Variants in MEGF6 observed in about 807,000 individuals in gnomAD.
MEGF6 encodes the protein multiple EGF like domains 6.
Under a neutral mutation model 207.1 loss-of-function variants are expected in MEGF6, and 184 were observed. The observed-to-expected ratio is 0.89, with a 90% confidence interval of 0.79 to 1.00. MEGF6 has a LOEUF of 1.00. Ranked by LOEUF, MEGF6 falls within the 50% of genes least tolerant of loss-of-function variation. MEGF6 has a pLI of 0.00. For missense variants in MEGF6, 2,282 were observed against 2,202.9 expected (o/e 1.04, Z -0.72); for synonymous variants, 1,038 against 910.0 (o/e 1.14, Z -2.53).
chr1:3,501,983 T>C (rs1162030962), intron 17 of MEGF6, 62 bp from the exon 18 acceptor site: 19 of 975,594 alleles, frequency 1.9e-5, no homozygotes, highest in Middle Eastern at 3.0e-4. Flanking sequence ...CCAGAGCCTT[T>C]CCCCCAGGGG....
At chr1:3,558,953 G>GA (rs1643111704) in intron 4 of MEGF6, among the ~76,000 whole-genome samples, 1 of 152,218 alleles carries the variant, frequency 6.6e-6, no homozygotes, top group South Asian at 2.1e-4. Flanking sequence ...TTGAGCCCAA[G>GA]AGTTCAAGGC....
In MEGF6 at chr1:3,556,851, A is replaced by G. The variant is rs1643047104; in HGVS notation, c.481+22974T>C. Among the ~76,000 whole-genome samples, 1 of 152,308 alleles carries G rather than the reference A, an allele frequency of 6.6e-6. No individual in the cohort carries two copies. On this transcript the variant is annotated intron_variant, in intron 4 of 36. Transcript: ENST00000356575. The surrounding 1 kb of genome is among the most constrained non-coding windows in gnomAD (Gnocchi z 4.4). Reference sequence around the variant, plus strand: ...AAACTGCCGAGCCTGCCGGGTGAGGATGGTGAGGCTGCCTCATGGTACAGG... The same window carrying G: ...AAACTGCCGAGCCTGCCGGGTGAGGGTGGTGAGGCTGCCTCATGGTACAGG...
chr1:3,564,949 G>T (rs1200396226), intron 4 of MEGF6, among the ~76,000 whole-genome samples: 1 of 152,136 alleles, frequency 6.6e-6, no homozygotes. Flanking sequence ...TCCAGCCGAG[G>T]CATTCTCCAG....
At chr1:3,578,733 C>T (rs192804673) in intron 4 of MEGF6, among the ~76,000 whole-genome samples, 7 of 108,622 alleles carry the variant, frequency 6.4e-5, no homozygotes, top group African/African-American at 1.5e-4. Flanking sequence ...TGGCCAATGC[C>T]CCAGGCTGCT....
At chr1:3,534,040 C>T (rs1642253639) in intron 4 of MEGF6, among the ~76,000 whole-genome samples, 2 of 152,146 alleles carry the variant, frequency 1.3e-5, no homozygotes, top group African/African-American at 4.8e-5. Context: ...CGTGCTGTCT[C>T]GAGGAGGAGG....
intron 4 of MEGF6, among the ~76,000 whole-genome samples, chr1:3,569,133 C>G (rs1643428408): frequency 6.6e-6 from 1 of 152,216 alleles, no homozygotes; most frequent in Admixed American, 6.5e-5. Flanking sequence ...CACCTCCAGC[C>G]CACACCCTAG....
rs191974953 is a variant in MEGF6, at chr1:3,532,001, G to T, written c.482-7755C>A. On this transcript the variant is annotated intron_variant, in intron 4 of 36. Coordinates refer to ENST00000356575, the MANE Select transcript of MEGF6 (RefSeq NM_001409.4). ...CACTGTCCTGTCCTCCCCTGGCCCA[G>T]GGCCCCATACTTGGAGGGAGCCTGG... 3.0e-4 allele frequency among the ~76,000 whole-genome samples: 46 copies of T among 152,352 alleles called. No homozygotes were observed. In the East Asian group the frequency reaches 5.2e-3, roughly 17 times the overall value.
Position 3,511,600 on chromosome 1 carries a change from C to G in MEGF6, c.1064G>C (p.Cys355Ser). ...GCSHTSAGPL[C>S]TCPRGYELDT... is the part of the protein sequence containing the mutation. ...CAGCTCGTAGCCGCGGGGACATGTG[C>G]ACAGGGGCCCAGCACTGGTGTGGCT... The change falls in exon 9 of 37, where the codon TGC (cysteine) becomes TCC (serine). Residue 355 changes from cysteine to serine, a missense_variant. Coordinates refer to ENST00000356575, the MANE Select transcript of MEGF6 (RefSeq NM_001409.4). 1 of 1,612,482 alleles carries G rather than the reference C, an allele frequency of 6.2e-7. No individual in the cohort carries two copies. The highest frequency in any genetic ancestry group is 8.5e-7 in the Non-Finnish European group (1 of 1,179,604).
intron 17 of MEGF6, among the ~76,000 whole-genome samples, chr1:3,503,829 T>C (rs1186574938): frequency 6.6e-6 from 1 of 152,004 alleles, no homozygotes; most frequent in African/African-American, 2.4e-5. Flanking sequence ...CGCGCACTGA[T>C]GAAGCCCTAG....
At chr1:3,603,776 G>T (rs771498707) in intron 1 of MEGF6, among the ~76,000 whole-genome samples, 1 of 152,074 alleles carries the variant, frequency 6.6e-6, no homozygotes, top group Non-Finnish European at 1.5e-5. Flanking sequence ...CCGCCGCCCC[G>T]TGGGCCGGAC....
intron 1 of MEGF6, among the ~76,000 whole-genome samples, chr1:3,605,687 CAT>C (rs61171592): frequency 0.062 from 9,405 of 152,266 alleles, 414 homozygotes; most frequent in South Asian, 0.13. Flanking sequence ...CTCGCACACA[CAT>C]ATGCACTCTC....
chr1:3,543,703 A>G (rs1224722370), intron 4 of MEGF6, among the ~76,000 whole-genome samples: 1 of 152,212 alleles, frequency 6.6e-6, no homozygotes, highest in Non-Finnish European at 1.5e-5. Context: ...CATCCGGTCC[A>G]CGCCTCTGCC....
At chr1:3,497,156 C>T (rs780984557) in intron 27 of MEGF6, 37 bp from the exon 28 acceptor site, 3 of 1,545,938 alleles carry the variant, frequency 1.9e-6, no homozygotes, top group Non-Finnish European at 2.6e-6. Context: ...CTGGCCCAGC[C>T]CCGCCAAGGA....
At position 3,565,405 on chromosome 1, in the gene MEGF6, G is replaced by C. The variant is rs2794352; in HGVS notation, c.481+14420C>G. Among the ~76,000 whole-genome samples, 38,176 of 152,126 alleles carry C rather than the reference G, an allele frequency of 0.25. 5,029 individuals are homozygous for C. The highest frequency in any genetic ancestry group is 0.27 in the Non-Finnish European group (18,067 of 67,966). On this transcript the variant is annotated intron_variant, in intron 4 of 36. Coordinates refer to ENST00000356575, the MANE Select transcript of MEGF6 (RefSeq NM_001409.4). The surrounding 1 kb of genome is among the most constrained non-coding windows in gnomAD (Gnocchi z 4.8). ...CTGGTGCCTGCTCTGGCCTCTCAAGGCCACCAGGGGGTGCCAGCGCCCCAC... is the reference window on the plus strand; with the variant it reads ...CTGGTGCCTGCTCTGGCCTCTCAAGCCCACCAGGGGGTGCCAGCGCCCCAC...
At chr1:3,568,194 G>C (rs1643400737) in intron 4 of MEGF6, among the ~76,000 whole-genome samples, 1 of 152,184 alleles carries the variant, frequency 6.6e-6, no homozygotes. Flanking sequence ...GAGGCTCCCA[G>C]AGATTCCTGG....
the MEGF6 span, among the ~76,000 whole-genome samples, chr1:3,621,047 G>A: frequency 1.3e-5 from 2 of 152,234 alleles, no homozygotes; most frequent in African/African-American, 4.8e-5. Flanking sequence ...GCAGAGCCAG[G>A]TGTACAGGAT....
At chr1:3,595,538 C>T in intron 2 of MEGF6, 91 bp from the exon 3 acceptor site, 2 of 1,148,094 alleles carry the variant, frequency 1.7e-6, no homozygotes, top group Non-Finnish European at 1.3e-6. Context: ...GACTCTGCGT[C>T]AGCCGGGTTC....
chr1:3,602,304 G>A (rs970251755), intron 2 of MEGF6, among the ~76,000 whole-genome samples, 162 bp downstream of exon 2: 16 of 152,308 alleles, frequency 1.1e-4, no homozygotes, highest in Admixed American at 6.5e-4. Context: ...CCCACCCTGA[G>A]GGTGGGAGAG....
At chr1:3,534,535 G>C (rs571382078) in intron 4 of MEGF6, among the ~76,000 whole-genome samples, 1 of 152,262 alleles carries the variant, frequency 6.6e-6, no homozygotes, top group East Asian at 1.9e-4. Context: ...CCTCCCTCCT[G>C]TGGGAAAGGC....
Sources: gnomAD v4.1 joint callset for allele counts (sites outside exome capture counted in the v4.1 genomes callset) on GRCh38, gnomAD v4.1.1 for gene constraint, Gnocchi (gnomAD v3.1) non-coding constraint, MANE v1.5 for transcripts, NCBI Gene and HGNC (gene_info 2026-07-23, HGNC 2026-07-21) for gene names.